The following GNA14 variants were observed in gnomAD, a reference collection of about 807,000 sequenced individuals.
GNA14 encodes guanine nucleotide-binding protein subunit alpha-14.
Under a neutral mutation model 42.0 loss-of-function variants are expected in GNA14, and 50 were observed. That is an observed-to-expected ratio of 1.19 (90% CI 0.95 to 1.51). The LOEUF (loss-of-function observed/expected upper bound fraction) is 1.51, where lower values mean the gene tolerates loss of function less well. Ranked by LOEUF, GNA14 falls within the 40% of genes most tolerant of loss-of-function variation. The pLI is 0.00. For synonymous variants in GNA14, 173 were observed against 163.1 expected (o/e 1.06, Z -0.46); for missense variants, 473 against 446.2 (o/e 1.06, Z -0.54).
chr9:77,478,042 T>TA (rs1035040723), intron 2 of GNA14, among the ~76,000 whole-genome samples: 15 of 151,384 alleles, frequency 9.9e-5, no homozygotes, highest in Admixed American at 8.5e-4. Context: ...TTTTTTTTTT[T>TA]AAACTTTAAG....
intron 1 of GNA14, among the ~76,000 whole-genome samples, chr9:77,537,699 C>A (rs1011316001): frequency 1.3e-5 from 2 of 152,212 alleles, no homozygotes; most frequent in African/African-American, 4.8e-5. Flanking sequence ...TTCCCACCAA[C>A]AGTGTATGAG....
intron 2 of GNA14, among the ~76,000 whole-genome samples, chr9:77,473,654 T>TA (rs1836370307): frequency 6.6e-6 from 1 of 151,128 alleles, no homozygotes; most frequent in Admixed American, 6.6e-5. Flanking sequence ...AAGCTAATGT[T>TA]AAAATCCATA....
Position 77,490,407 on chromosome 9 carries a change from G to A in GNA14, c.309+38662C>T, listed in dbSNP as rs190454942. 4.6e-3 allele frequency among the ~76,000 whole-genome samples: 701 copies of A among 152,366 alleles called. 4 individuals are homozygous for A. Among genetic ancestry groups the A allele is most frequent in the Middle Eastern group, 0.014 (4 of 294 alleles). Reference sequence around the variant, plus strand: ...CGCACTCCTCAGCCCTTGGGCGGTGGATGGGACTGGGCACCATGGAGCAGG... The same window carrying A: ...CGCACTCCTCAGCCCTTGGGCGGTGAATGGGACTGGGCACCATGGAGCAGG... On this transcript the variant is annotated intron_variant, in intron 2 of 6. Transcript: ENST00000341700.
intron 1 of GNA14, among the ~76,000 whole-genome samples, chr9:77,538,047 C>G (rs1284571617): frequency 6.9e-5 from 10 of 145,752 alleles, no homozygotes; most frequent in Non-Finnish European, 1.2e-4. Flanking sequence ...TGACTATTTC[C>G]TTTGCTGTAC....
At chr9:77,631,006 A>C (rs147582301) in intron 1 of GNA14, among the ~76,000 whole-genome samples, 424 of 152,310 alleles carry the variant, frequency 2.8e-3, no homozygotes, top group African/African-American at 1.0e-2. Context: ...TATATTGTTG[A>C]GTATCAAGAG....
chr9:77,592,397 T>C (rs1397663596), intron 1 of GNA14, among the ~76,000 whole-genome samples: 3 of 152,230 alleles, frequency 2.0e-5, no homozygotes, highest in Non-Finnish European at 4.4e-5. Context: ...GGCTTGCTTT[T>C]ATTAGTTGTC....
intron 2 of GNA14, among the ~76,000 whole-genome samples, chr9:77,528,073 T>G (rs1171857510): frequency 1.3e-5 from 2 of 152,200 alleles, no homozygotes; most frequent in African/African-American, 2.4e-5. Context: ...AGTCTGAAAT[T>G]TGGTGCCTAC....
chr9:77,427,119 T>A (rs1209568187), intron 5 of GNA14, among the ~76,000 whole-genome samples: 1 of 152,152 alleles, frequency 6.6e-6, no homozygotes, highest in Non-Finnish European at 1.5e-5. Context: ...GAGGGGAAAG[T>A]CTGGAGTGGC....
intron 2 of GNA14, among the ~76,000 whole-genome samples, chr9:77,512,334 T>TTAA (rs1263304093): frequency 2.0e-5 from 3 of 152,210 alleles, no homozygotes; most frequent in Non-Finnish European, 4.4e-5. Flanking sequence ...TATCTTAATT[T>TTAA]TAAACTGCTA....
intron 1 of GNA14, among the ~76,000 whole-genome samples, chr9:77,538,432 A>G (rs952580750): frequency 9.9e-5 from 15 of 151,900 alleles, no homozygotes; most frequent in Non-Finnish European, 1.8e-4. Context: ...TTGCTTCCAC[A>G]TGAAACTTGG....
intron 1 of GNA14, among the ~76,000 whole-genome samples, chr9:77,634,389 G>C (rs1022258475): frequency 7.0e-6 from 1 of 143,708 alleles, no homozygotes; most frequent in Non-Finnish European, 1.5e-5. Context: ...TCCAGCCTAG[G>C]CAACAGAGTG....
chr9:77,434,316 G>T, intron 3 of GNA14, 52 bp downstream of exon 3: 1 of 1,542,242 alleles, frequency 6.5e-7, no homozygotes, highest in Non-Finnish European at 8.8e-7. Flanking sequence ...TTGAAGTGTG[G>T]CCGAGCTTGC....
chr9:77,498,265 TG>T (rs1836905657), intron 2 of GNA14, among the ~76,000 whole-genome samples: 1 of 147,930 alleles, frequency 6.8e-6, no homozygotes, highest in Non-Finnish European at 1.5e-5. Flanking sequence ...CCCAGCTACT[TG>T]GGAGGCTGAG....
intron 1 of GNA14, among the ~76,000 whole-genome samples, chr9:77,643,175 A>C (rs1824295092): frequency 6.6e-6 from 1 of 152,138 alleles, no homozygotes; most frequent in South Asian, 2.1e-4. Flanking sequence ...CTAAGCTCAG[A>C]TAAAGGAACG....
At chr9:77,512,324 T>A (rs1267594114) in intron 2 of GNA14, among the ~76,000 whole-genome samples, 1 of 152,250 alleles carries the variant, frequency 6.6e-6, no homozygotes, top group African/African-American at 2.4e-5. Flanking sequence ...TTACTACTCA[T>A]ATCTTAATTT....
At chr9:77,603,999 TAG>T (rs765476518) in intron 1 of GNA14, among the ~76,000 whole-genome samples, 387 of 139,246 alleles carry the variant, frequency 2.8e-3, no homozygotes, top group Non-Finnish European at 4.4e-3. Context: ...GAGAAAAGTC[TAG>T]AGAGTCACTA....
chr9:77,634,992 T>G (rs966532764), intron 1 of GNA14, among the ~76,000 whole-genome samples: 1 of 152,180 alleles, frequency 6.6e-6, no homozygotes. Context: ...ACATTGGAGT[T>G]CCCACACACG....
At position 77,459,237 on chromosome 9, in the gene GNA14, G is replaced by C. The variant is rs1312244861; in HGVS notation, c.310-24715C>G. The stretch of plus-strand genomic sequence containing the variant: ...GGCGACAGAGTGAGACCCAGTCTCA[G>C]GGAAAAAAAAGAAAAAAAAGAAAAA... On this transcript the variant is annotated intron_variant, in intron 2 of 6. Coordinates refer to ENST00000341700, the MANE Select transcript of GNA14 (RefSeq NM_004297.4). 9.7e-5 allele frequency among the ~76,000 whole-genome samples: 8 copies of C among 82,066 alleles called. No individual in the cohort carries two copies. In the East Asian group the frequency reaches 1.5e-3, roughly 15 times the overall value. The allele number at this position is 82,066 out of a possible 152,430, so 53.8% of individuals were successfully genotyped here.
chr9:77,470,701 T>C (rs1258782371), intron 2 of GNA14, among the ~76,000 whole-genome samples: 1 of 152,116 alleles, frequency 6.6e-6, no homozygotes, highest in African/African-American at 2.4e-5. Flanking sequence ...TGAGACTGGG[T>C]AATTTGTAAA....
Sources: gnomAD v4.1 joint callset for allele counts (sites outside exome capture counted in the v4.1 genomes callset) on GRCh38, gnomAD v4.1.1 for gene constraint, MANE v1.5 for transcripts, NCBI Gene and HGNC (gene_info 2026-07-23, HGNC 2026-07-21) for gene names.